Variants in NLRP1 observed in about 807,000 individuals in gnomAD.
The protein encoded by NLRP1 is NLR family pyrin domain containing 1, also known as NACHT, LRR and PYD domains-containing protein 1.
Under a neutral mutation model 136.7 loss-of-function variants are expected in NLRP1, and 94 were observed. That is an observed-to-expected ratio of 0.69 (90% CI 0.58 to 0.82). The LOEUF (loss-of-function observed/expected upper bound fraction) is 0.82. Among genes scored for constraint, NLRP1 ranks in the 40% least tolerant of loss-of-function variants. The probability of loss-of-function intolerance (pLI) is 0.00; values close to 1 mark genes in which losing one functional copy is unlikely to be tolerated. For missense variants in NLRP1, 1,575 were observed against 1,802.7 expected (o/e 0.87, Z 2.29); for synonymous variants, 690 against 725.1 (o/e 0.95, Z 0.78).
At chr17:5,519,675 T>C (rs1908645565) in intron 14 of NLRP1, among the ~76,000 whole-genome samples, 1 of 151,238 alleles carries the variant, frequency 6.6e-6, no homozygotes, top group Non-Finnish European at 1.5e-5. Context: ...CTCAAACTCC[T>C]GATCTCAGGT....
intron 8 of NLRP1, 130 bp downstream of exon 8, chr17:5,536,721 C>A: frequency 1.6e-6 from 1 of 633,048 alleles, no homozygotes; most frequent in Admixed American, 2.3e-5. Flanking sequence ...ACAAGTGCAC[C>A]TCACTCTGGC....
chr17:5,507,308 A>G (rs1214718949), intron 15 of NLRP1, among the ~76,000 whole-genome samples: 9 of 152,340 alleles, frequency 5.9e-5, no homozygotes, highest in African/African-American at 2.2e-4. Context: ...AACTGTCTTC[A>G]AATAAATTAA....
Position 5,581,991 on chromosome 17 carries a change from G to C in NLRP1, c.520C>G (p.Pro174Ala). 6.2e-7 allele frequency: 1 copy of C among 1,613,818 alleles called. No individual in the cohort carries two copies. The highest frequency in any genetic ancestry group is 8.5e-7 in the Non-Finnish European group (1 of 1,179,874). ...PDHESPSQES[P>A]NAPTSTAVLG... ...ACTGCTGTGGATGTGGGGGCGTTGGGTGACTCCTGGCTTGGAGACTCATGG... is the reference window on the plus strand; with the variant it reads ...ACTGCTGTGGATGTGGGGGCGTTGGCTGACTCCTGGCTTGGAGACTCATGG... Residue 174 changes from proline to alanine, a missense_variant, in exon 3 of 17, where the codon CCC becomes GCC. Transcript: ENST00000572272.
chr17:5,506,269 A>G (rs1040946045), intron 15 of NLRP1, among the ~76,000 whole-genome samples: 1 of 145,402 alleles, frequency 6.9e-6, no homozygotes, highest in African/African-American at 2.7e-5. Context: ...GGGCAACAAG[A>G]ACAAAAGTCT....
At chr17:5,536,126 C>T (rs1229079013) in intron 8 of NLRP1, among the ~76,000 whole-genome samples, 1 of 151,992 alleles carries the variant, frequency 6.6e-6, no homozygotes, top group Non-Finnish European at 1.5e-5. Flanking sequence ...CGCTGGCTCA[C>T]CCACCCACTG....
At chr17:5,516,316 G>A (rs1356371247) in intron 15 of NLRP1, among the ~76,000 whole-genome samples, 1 of 152,138 alleles carries the variant, frequency 6.6e-6, no homozygotes, top group Non-Finnish European at 1.5e-5. Context: ...CCACACTGGA[G>A]CATCTACTGA....
intron 15 of NLRP1, among the ~76,000 whole-genome samples, chr17:5,517,362 C>CCCCCCCCCCCCCCG (rs78433357): frequency 4.9e-5 from 3 of 61,562 alleles, no homozygotes; most frequent in African/African-American, 1.0e-4. Context: ...CCCCCCCCCT[C>CCCCCCCCCCCCCCG]CCACATACAC....
chr17:5,502,266 T>C (rs988877298), intron 15 of NLRP1: 2 of 202,624 alleles, frequency 9.9e-6, no homozygotes, highest in Non-Finnish European at 2.1e-5. Flanking sequence ...ATCCGTGATG[T>C]TGAGAATGTA....
intron 13 of NLRP1, 119 bp downstream of exon 13, chr17:5,521,405 C>T: frequency 9.4e-7 from 1 of 1,058,960 alleles, no homozygotes; most frequent in South Asian, 1.5e-5. Flanking sequence ...CTTCAAGGTT[C>T]TCCTGTACAA....
intron 13 of NLRP1, 27 bp from the exon 14 acceptor site, chr17:5,521,039 A>C: frequency 1.3e-6 from 2 of 1,576,914 alleles, no homozygotes; most frequent in East Asian, 2.2e-5. Flanking sequence ...ACAATGATTA[A>C]GGGAGGCTTC....
intron 11 of NLRP1, 35 bp downstream of exon 11, chr17:5,532,787 G>A (rs1910477999): frequency 1.3e-6 from 2 of 1,549,154 alleles, no homozygotes; most frequent in African/African-American, 2.8e-5. Context: ...GGGTGCGGGA[G>A]GCCAGCCTGG....
chr17:5,559,744 A>C lies in NLRP1; in HGVS notation c.952T>G (p.Phe318Val), dbSNP rs374999246. 6.2e-7 allele frequency: 1 copy of C among 1,614,266 alleles called. No homozygotes were observed. The highest frequency in any genetic ancestry group is 1.7e-5 in the Admixed American group (1 of 60,036). ...TCTTGGGTATCCAGGCCTGGGCCAA[A>C]TAAGTCTCTGATCTCAATTAAATGT... ...RGHLIEIRDLFGPGLDTQEPR... is the reference protein window; with the variant it reads ...RGHLIEIRDLVGPGLDTQEPR... The change falls in exon 4 of 17, where the codon TTT (phenylalanine) becomes GTT (valine). Residue 318 changes from phenylalanine (F) to valine (V), a missense_variant. Physicochemically the swap from Phe to Val is conservative, Grantham distance 50 (BLOSUM62 -1). Transcript: ENST00000572272.
intron 5 of NLRP1, among the ~76,000 whole-genome samples, chr17:5,549,727 AGT>A (rs1387621527): frequency 6.6e-6 from 1 of 152,250 alleles, no homozygotes; most frequent in Admixed American, 6.5e-5. Context: ...CCTTGAGTAC[AGT>A]GTTGAATAGA....
chr17:5,503,819 G>A (rs1052075488), intron 15 of NLRP1: 2 of 146,452 alleles, frequency 1.4e-5, no homozygotes, highest in African/African-American at 2.6e-5. Flanking sequence ...TCCAGGGCCT[G>A]GAGCCAGAAT....
chr17:5,511,683 G>C (rs914767313), downstream of NLRP1, among the ~76,000 whole-genome samples: 4 of 152,128 alleles, frequency 2.6e-5, no homozygotes, highest in African/African-American at 9.7e-5. Context: ...CGGGGGTTGC[G>C]GGGCTTAGAG....
intron 3 of NLRP1, among the ~76,000 whole-genome samples, chr17:5,579,177 G>A (rs2151827652): frequency 6.6e-6 from 1 of 151,982 alleles, no homozygotes; most frequent in South Asian, 2.1e-4. Context: ...GAGTTAATGG[G>A]TGCAGCACAC....
intron 3 of NLRP1, among the ~76,000 whole-genome samples, chr17:5,562,554 C>G (rs1011224446): frequency 6.6e-6 from 1 of 152,182 alleles, no homozygotes; most frequent in Non-Finnish European, 1.5e-5. Context: ...AGGTCACCCC[C>G]CTGTCCCCAA....
intron 15 of NLRP1, among the ~76,000 whole-genome samples, chr17:5,506,951 A>AT (rs1263528660): frequency 6.6e-6 from 1 of 151,568 alleles, no homozygotes; most frequent in Non-Finnish European, 1.5e-5. Context: ...AATACCATGG[A>AT]TAAACCTTGA....
intron 2 of NLRP1, among the ~76,000 whole-genome samples, chr17:5,582,317 T>G (rs1427008773): frequency 6.6e-6 from 1 of 152,124 alleles, no homozygotes; most frequent in Non-Finnish European, 1.5e-5. Context: ...TCCTTGGAAC[T>G]TCTGGACCAC....
Sources: gnomAD v4.1 joint callset for allele counts (sites outside exome capture counted in the v4.1 genomes callset) on GRCh38, gnomAD v4.1.1 for gene constraint, MANE v1.5 for transcripts, NCBI Gene and HGNC (gene_info 2026-07-23, HGNC 2026-07-21) for gene names.